The following CLNK variants were observed in gnomAD, a reference collection of about 807,000 sequenced individuals.
The protein encoded by CLNK is cytokine dependent hematopoietic cell linker, also known as cytokine-dependent hematopoietic cell linker.
A neutral mutation model predicts 68.6 loss-of-function variants in CLNK; 74 were observed. That is an observed-to-expected ratio of 1.08 (90% CI 0.89 to 1.31). The LOEUF (loss-of-function observed/expected upper bound fraction) is 1.31, where lower values mean the gene tolerates loss of function less well. Ranked by LOEUF, CLNK falls within the 50% of genes most tolerant of loss-of-function variation. The pLI, the probability that CLNK is intolerant of heterozygous loss-of-function variation, is 0.00. For missense variants in CLNK, 553 were observed against 515.3 expected (o/e 1.07, Z -0.71); for synonymous variants, 198 against 172.2 (o/e 1.15, Z -1.17).
chr4:10,725,717 T>A, the CLNK span, among the ~76,000 whole-genome samples: 2 of 151,586 alleles, frequency 1.3e-5, no homozygotes, highest in African/African-American at 2.4e-5. Flanking sequence ...TAGCCGGGCG[T>A]GTTGGCGGGC....
chr4:10,649,430 AAC>A lies in CLNK; in HGVS notation c.11+18427_11+18428del, dbSNP rs1197144663. Among the ~76,000 whole-genome samples, 3 of 152,210 alleles carry A rather than the reference AAC, an allele frequency of 2.0e-5. No individual in the cohort carries two copies. The East Asian group carries it at 5.8e-4, about 29-fold the overall frequency. ...TCGCTTTCTCCTTGGTTGCTTTGCC[AAC>A]ACAGAGGAAAATGGCCTTTAATTTT... On this transcript the variant is annotated intron_variant, in intron 2 of 18. Transcript: ENST00000226951.
At chr4:10,697,677 G>C in the CLNK span, 30 of 152,312 alleles carry the variant, frequency 2.0e-4, no homozygotes, top group Admixed American at 1.9e-3. Context: ...TGGGTGTGTA[G>C]AGAATAAATT....
intron 11 of CLNK, among the ~76,000 whole-genome samples, chr4:10,536,587 G>A (rs1274281719): frequency 1.3e-5 from 2 of 152,110 alleles, no homozygotes; most frequent in Non-Finnish European, 2.9e-5. Flanking sequence ...GTGACCTTAG[G>A]TGCCCAGTGA....
At chr4:10,640,397 C>T (rs1723266138) in intron 2 of CLNK, among the ~76,000 whole-genome samples, 1 of 152,206 alleles carries the variant, frequency 6.6e-6, no homozygotes, top group East Asian at 1.9e-4. Flanking sequence ...AACTCCTGAC[C>T]TCAGGTGATC....
intron 2 of CLNK, among the ~76,000 whole-genome samples, chr4:10,655,199 T>A (rs1463282616): frequency 6.6e-6 from 1 of 152,012 alleles, no homozygotes; most frequent in Non-Finnish European, 1.5e-5. Flanking sequence ...GTTGAAGAAG[T>A]TCTCTCTGTC....
chr4:10,658,058 T>A (rs1475055894), intron 2 of CLNK, among the ~76,000 whole-genome samples: 3 of 152,190 alleles, frequency 2.0e-5, no homozygotes, highest in African/African-American at 7.2e-5. Flanking sequence ...TTCCTCAAGG[T>A]CAGCTCACGT....
At chr4:10,699,289 TATACACACACACACCACATAC>T in the CLNK span, among the ~76,000 whole-genome samples, 19 of 98,054 alleles carry the variant, frequency 1.9e-4, no homozygotes, top group South Asian at 7.9e-4. Context: ...CACATACGTG[TATACACACACACACCACATAC>T]GTGTATACAC....
At chr4:10,613,361 G>A (rs986209846) in intron 2 of CLNK, among the ~76,000 whole-genome samples, 10 of 152,156 alleles carry the variant, frequency 6.6e-5, no homozygotes, top group Admixed American at 6.5e-4. Context: ...GATAACTGAA[G>A]GAAAAGTTCA....
At chr4:10,573,797 G>C (rs938896197) in intron 4 of CLNK, among the ~76,000 whole-genome samples, 7 of 152,128 alleles carry the variant, frequency 4.6e-5, no homozygotes, top group Non-Finnish European at 1.0e-4. Context: ...GACTCTCCCA[G>C]ATTCCCCAAA....
chr4:10,710,653 A>G, the CLNK span, among the ~76,000 whole-genome samples: 2 of 152,296 alleles, frequency 1.3e-5, no homozygotes, highest in Non-Finnish European at 2.9e-5. Context: ...TTGGAAATGG[A>G]GCTGTGAAGT....
At chr4:10,525,354 C>T (rs1246307936) in intron 14 of CLNK, among the ~76,000 whole-genome samples, 3 of 152,144 alleles carry the variant, frequency 2.0e-5, no homozygotes, top group African/African-American at 4.8e-5. Context: ...CGTGAGCCAC[C>T]GCGCCCGGCC....
intron 2 of CLNK, among the ~76,000 whole-genome samples, chr4:10,605,605 A>T (rs1047923491): frequency 1.3e-5 from 2 of 152,076 alleles, no homozygotes; most frequent in African/African-American, 2.4e-5. Context: ...CAAGGTGGGT[A>T]GATCATAAGG....
chr4:10,513,628 A>G (rs200265825), intron 15 of CLNK, 31 bp from the exon 16 acceptor site: 188 of 1,570,080 alleles, frequency 1.2e-4, no homozygotes, highest in Non-Finnish European at 1.5e-4. Flanking sequence ...TTTCAGTGTG[A>G]TTTTGTGACT....
intron 2 of CLNK, among the ~76,000 whole-genome samples, chr4:10,607,463 C>T (rs1721834274): frequency 6.6e-6 from 1 of 152,194 alleles, no homozygotes; most frequent in Admixed American, 6.5e-5. Flanking sequence ...GGGAAGCAGA[C>T]ACTGATGATA....
At chr4:10,670,515 C>T (rs934156060) in intron 1 of CLNK, among the ~76,000 whole-genome samples, 5 of 152,248 alleles carry the variant, frequency 3.3e-5, no homozygotes, top group Non-Finnish European at 7.3e-5. Flanking sequence ...GAACAGTTCC[C>T]TGCAAGGCTT....
At chr4:10,625,777 GAC>G (rs1273744048) in intron 2 of CLNK, among the ~76,000 whole-genome samples, 1 of 152,172 alleles carries the variant, frequency 6.6e-6, no homozygotes, top group Non-Finnish European at 1.5e-5. Context: ...GGCAGAGATA[GAC>G]AGGAAGAGAC....
At chr4:10,545,416 G>T (rs536590795) in intron 8 of CLNK, among the ~76,000 whole-genome samples, 4 of 152,068 alleles carry the variant, frequency 2.6e-5, no homozygotes, top group Admixed American at 1.3e-4. Context: ...TTGATTCCAC[G>T]TCTGGCATTC....
At chr4:10,699,255 A>G in the CLNK span, among the ~76,000 whole-genome samples, 9 of 31,862 alleles carry the variant, frequency 2.8e-4, 3 homozygotes, top group South Asian at 1.7e-3. Flanking sequence ...CACACCACGT[A>G]TGTGTGTATA....
chr4:10,496,777 C>T (rs965744656), intron 18 of CLNK, among the ~76,000 whole-genome samples: 6 of 152,290 alleles, frequency 3.9e-5, no homozygotes, highest in African/African-American at 1.2e-4. Context: ...AGGGCCTACA[C>T]TGAGTAAATG....
Sources: gnomAD v4.1 joint callset for allele counts (sites outside exome capture counted in the v4.1 genomes callset) on GRCh38, gnomAD v4.1.1 for gene constraint, MANE v1.5 for transcripts, NCBI Gene and HGNC (gene_info 2026-07-23, HGNC 2026-07-21) for gene names.